Variants in POLR1A observed in about 807,000 individuals in gnomAD.
POLR1A encodes DNA-directed RNA polymerase I subunit RPA1.
A neutral mutation model predicts 205.3 loss-of-function variants in POLR1A; 84 were observed. That is an observed-to-expected ratio of 0.41 (90% CI 0.34 to 0.49). The LOEUF (loss-of-function observed/expected upper bound fraction) is 0.49, where lower values mean the gene tolerates loss of function less well. Among genes scored for constraint, POLR1A ranks in the 20% least tolerant of loss-of-function variants. The pLI is 0.22. For missense variants in POLR1A, 1,645 were observed against 2,204.5 expected (o/e 0.75, Z 5.08); for synonymous variants, 799 against 863.7 (o/e 0.93, Z 1.31).
chr2:86,090,729 T>C (rs1446712436), intron 3 of POLR1A, among the ~76,000 whole-genome samples: 1 of 152,194 alleles, frequency 6.6e-6, no homozygotes, highest in Non-Finnish European at 1.5e-5. Flanking sequence ...CATTTTCCAA[T>C]GCAGCAATTT....
intron 5 of POLR1A, 28 bp from the exon 6 acceptor site, chr2:86,088,697 G>T: frequency 6.2e-7 from 1 of 1,606,404 alleles, no homozygotes; most frequent in Non-Finnish European, 8.5e-7. Flanking sequence ...TGTGATTGAA[G>T]AGAGAAAAAA....
chr2:86,086,446 G>A (rs1673506177), intron 6 of POLR1A, among the ~76,000 whole-genome samples: 1 of 152,196 alleles, frequency 6.6e-6, no homozygotes, highest in Non-Finnish European at 1.5e-5. Context: ...CGCTGAGGCT[G>A]CTCACTTTCC....
In POLR1A at chr2:86,075,018, G is replaced by A. The variant is rs768078684; in HGVS notation, c.1611+12C>T. ...GCCGGATGGGTCCCTGACCAAAGCT[G>A]CCCTTACTCACAATTTTTGTCCCCT... On this transcript the variant is annotated intron_variant, in intron 12 of 33. Transcript: ENST00000263857. The A allele has an allele frequency of 3.8e-6, 6 of 1,579,080 alleles. No homozygotes were observed. The highest frequency in any genetic ancestry group is 5.2e-6 in the Non-Finnish European group (6 of 1,156,020).
chr2:86,072,848 T>C (rs1673205309), intron 12 of POLR1A, among the ~76,000 whole-genome samples: 1 of 152,214 alleles, frequency 6.6e-6, no homozygotes, highest in Admixed American at 6.5e-5. Context: ...CCTCAGTGTT[T>C]CCTTCCCATC....
intron 14 of POLR1A, among the ~76,000 whole-genome samples, chr2:86,056,464 A>T (rs1383971378): frequency 6.6e-6 from 1 of 152,120 alleles, no homozygotes; most frequent in Non-Finnish European, 1.5e-5. Context: ...AAAGAAAAAA[A>T]AAAAAAGAAG....
At chr2:86,030,120 C>G in intron 31 of POLR1A, 76 bp downstream of exon 31, 1 of 1,226,546 alleles carries the variant, frequency 8.2e-7, no homozygotes, top group Admixed American at 1.7e-5. Context: ...GAGCGAGCCT[C>G]CCAGTGGCTG....
chr2:86,084,226 A>G (rs970829202), intron 6 of POLR1A, among the ~76,000 whole-genome samples: 3 of 152,178 alleles, frequency 2.0e-5, no homozygotes, highest in Non-Finnish European at 2.9e-5. Flanking sequence ...AGATTGTGCC[A>G]CTGCACTCCA....
chr2:86,099,602 G>C (rs1280288033), intron 2 of POLR1A, among the ~76,000 whole-genome samples: 16 of 152,038 alleles, frequency 1.1e-4, no homozygotes, highest in Admixed American at 7.9e-4. Context: ...GAAGGGCTCA[G>C]GGAGACCCTG....
intron 14 of POLR1A, among the ~76,000 whole-genome samples, chr2:86,058,643 G>A (rs1252177294): frequency 1.3e-5 from 2 of 151,358 alleles, no homozygotes; most frequent in Non-Finnish European, 2.9e-5. Flanking sequence ...ACTATGCTAG[G>A]GAGAAAAAAT....
At chr2:86,043,773 T>C (rs1378320167) in intron 22 of POLR1A, among the ~76,000 whole-genome samples, 1 of 152,220 alleles carries the variant, frequency 6.6e-6, no homozygotes. Flanking sequence ...TATGCTTTGA[T>C]ACTCAGTTGC....
intron 3 of POLR1A, among the ~76,000 whole-genome samples, chr2:86,091,722 G>A (rs1673611171): frequency 6.6e-6 from 1 of 152,178 alleles, no homozygotes; most frequent in Admixed American, 6.6e-5. Flanking sequence ...TGTGAGCGCT[G>A]GTTTAAGAAA....
chr2:86,105,672 T>A, intron 1 of POLR1A, 28 bp downstream of exon 1: 1 of 1,534,120 alleles, frequency 6.5e-7, no homozygotes, highest in South Asian at 1.1e-5. Flanking sequence ...AGATCCAGGC[T>A]GGGCACGCTA....
chr2:86,053,226 T>C (rs1195116180), intron 15 of POLR1A, among the ~76,000 whole-genome samples: 2 of 151,988 alleles, frequency 1.3e-5, no homozygotes, highest in African/African-American at 4.8e-5. Context: ...AGACCAGCAG[T>C]TTTTTTTCTT....
At chr2:86,085,324 T>A (rs145019453) in intron 6 of POLR1A, among the ~76,000 whole-genome samples, 1 of 152,196 alleles carries the variant, frequency 6.6e-6, no homozygotes, top group African/African-American at 2.4e-5. Flanking sequence ...GATAAAGTCA[T>A]CAAAGCAGAA....
Position 86,067,112 on chromosome 2 carries a change from C to T in POLR1A, c.1867-1647G>A, listed in dbSNP as rs188708866. 7.9e-5 allele frequency among the ~76,000 whole-genome samples: 12 copies of T among 152,298 alleles called. No individual in the cohort carries two copies. The East Asian group carries it at 2.3e-3, about 29-fold the overall frequency. The stretch of plus-strand genomic sequence containing the variant: ...TAGACAATTACTTTGATGGCTAAAT[C>T]ATTTTCAATGCAATCATCACAAATT... On this transcript the variant is annotated intron_variant, in intron 13 of 33. Transcript: ENST00000263857.
chr2:86,058,612 T>A (rs1479384384), intron 14 of POLR1A, among the ~76,000 whole-genome samples: 1 of 151,054 alleles, frequency 6.6e-6, no homozygotes, highest in African/African-American at 2.4e-5. Flanking sequence ...TAGAAATGTA[T>A]AATTTACTTT....
chr2:86,097,513 G>C (rs1360065957), intron 3 of POLR1A, among the ~76,000 whole-genome samples: 1 of 152,092 alleles, frequency 6.6e-6, no homozygotes, highest in East Asian at 1.9e-4. Context: ...AATAGATAAA[G>C]GGATAAAGCA....
rs1171358138 is a variant in POLR1A at position 86,041,891 on chromosome 2, G to T, written c.3570C>A (p.Asp1190Glu). 1.2e-6 allele frequency: 2 copies of T among 1,612,590 alleles called. No individual in the cohort carries two copies. Among genetic ancestry groups the T allele is most frequent in the Admixed American group, 3.3e-5 (2 of 60,022 alleles). The change falls in exon 24 of 34, where the codon GAC (aspartate) becomes GAA (glutamate). Residue 1190 changes from aspartate (D) to glutamate (E), a missense_variant and splice_region_variant. By Grantham distance (45) the Asp-to-Glu change is conservative. Around this residue, in one of 16 missense-constraint regions of POLR1A, gnomAD observed 201 missense variants for 222.3 expected, o/e 0.90. Transcript: ENST00000263857. ...GTGCAACAAATCACTGTCAATACCT[G>T]TCGAGAGAAAGCTCTGATTTCTCAT... Reference protein sequence around the residue: ...KSYEKSELSLDRLRTLLQLKW... With the variant: ...KSYEKSELSLERLRTLLQLKW...
At chr2:86,085,595 C>T (rs527567852) in intron 6 of POLR1A, among the ~76,000 whole-genome samples, 5 of 152,262 alleles carry the variant, frequency 3.3e-5, no homozygotes, top group African/African-American at 4.8e-5. Flanking sequence ...TGAAGAAGAT[C>T]GGTCGAATCT....
Sources: gnomAD v4.1 joint callset for allele counts (sites outside exome capture counted in the v4.1 genomes callset) on GRCh38, gnomAD v4.1.1 for gene constraint, gnomAD v4.1.1 regional missense constraint, MANE v1.5 for transcripts, NCBI Gene and HGNC (gene_info 2026-07-23, HGNC 2026-07-21) for gene names.